CNOT6L: variants seen among roughly 807,000 people sequenced by gnomAD.
The protein encoded by CNOT6L is CCR4-NOT transcription complex subunit 6 like.
In CNOT6L, 7 loss-of-function variants were observed where a neutral mutation model predicts 64.0. That is an observed-to-expected ratio of 0.11 (90% CI 0.06 to 0.21). The LOEUF (loss-of-function observed/expected upper bound fraction) is 0.21. Ranked by LOEUF, CNOT6L falls within the 10% of genes least tolerant of loss-of-function variation. The probability of loss-of-function intolerance (pLI) is 1.00; values close to 1 mark genes in which losing one functional copy is unlikely to be tolerated. For missense variants in CNOT6L, 245 were observed against 669.0 expected (o/e 0.37, Z 6.99); for synonymous variants, 193 against 243.4 (o/e 0.79, Z 1.93).
In CNOT6L at chr4:77,718,017, G is replaced by C. The variant is rs1720922844; in HGVS notation, c.*2414C>G. On this transcript the variant is annotated 3_prime_UTR_variant, in exon 12 of 12. Transcript: ENST00000504123. Reference sequence around the variant, plus strand: ...TCGATCATACACAAAATAAACTTAAGCTGTTTACAATGTTTCCCATTTTTT... The same window carrying C: ...TCGATCATACACAAAATAAACTTAACCTGTTTACAATGTTTCCCATTTTTT... The C allele has an allele frequency of 7.3e-6, 1 of 137,094 alleles. No individual in the cohort carries two copies. The highest frequency in any genetic ancestry group is 1.6e-5 in the Non-Finnish European group (1 of 64,454). The allele number at this position is 137,094 out of a possible 1,614,324, so 8.5% of individuals were successfully genotyped here.
At chr4:77,813,104 GTC>G in intron 1 of CNOT6L, among the ~76,000 whole-genome samples, 1 of 152,252 alleles carries the variant, frequency 6.6e-6, no homozygotes, top group Non-Finnish European at 1.5e-5. Flanking sequence ...AGAAAGAACA[GTC>G]TTTTCAATAA....
At chr4:77,749,619 C>A (rs896189187) in intron 5 of CNOT6L, among the ~76,000 whole-genome samples, 1 of 152,080 alleles carries the variant, frequency 6.6e-6, no homozygotes, top group South Asian at 2.1e-4. Flanking sequence ...TTAAGTATAA[C>A]GCAATCAACA....
intron 1 of CNOT6L, among the ~76,000 whole-genome samples, chr4:77,811,747 C>T (rs1162493070): frequency 2.0e-5 from 3 of 152,096 alleles, no homozygotes; most frequent in Non-Finnish European, 4.4e-5. Context: ...CTCACACAAA[C>T]AAACACTCAA....
At position 77,736,981 on chromosome 4, in the gene CNOT6L, G is replaced by C. The variant is rs1485235428; in HGVS notation, c.872+5160C>G. On this transcript the variant is annotated intron_variant, in intron 8 of 11. Transcript: ENST00000504123. ...CGTCCAGAGCAGTCCTTCAAATAAA[G>C]ACATAACTCAATTTCTTACCAACTT... 1.1e-4 allele frequency among the ~76,000 whole-genome samples: 6 copies of C among 55,080 alleles called. No individual in the cohort carries two copies. The East Asian group carries it at 3.7e-3, about 34-fold the overall frequency. 36.1% of individuals were successfully genotyped at this position (55,080 alleles called of 152,430 possible).
intron 11 of CNOT6L, among the ~76,000 whole-genome samples, chr4:77,725,190 T>TAAC (rs2109866112): frequency 6.6e-6 from 1 of 152,324 alleles, no homozygotes; most frequent in Non-Finnish European, 1.5e-5. Flanking sequence ...AGCTGATTAG[T>TAAC]AACAACACAC....
intron 1 of CNOT6L, among the ~76,000 whole-genome samples, chr4:77,803,408 A>G (rs1731831593): frequency 6.6e-6 from 1 of 152,256 alleles, no homozygotes; most frequent in African/African-American, 2.4e-5. Context: ...AAGATGTATC[A>G]AATATTAAAT....
chr4:77,757,075 T>C (rs1158368090), intron 4 of CNOT6L, 124 bp from the exon 5 acceptor site: 5 of 517,228 alleles, frequency 9.7e-6, no homozygotes, highest in Non-Finnish European at 1.7e-5. Context: ...TCTACTATAT[T>C]TAATCTATTA....
chr4:77,732,463 T>C (rs561948060), intron 8 of CNOT6L, among the ~76,000 whole-genome samples: 2 of 152,074 alleles, frequency 1.3e-5, no homozygotes, highest in Non-Finnish European at 2.9e-5. Context: ...GATCCCCTCC[T>C]CACTTTCCTT....
intron 1 of CNOT6L, among the ~76,000 whole-genome samples, chr4:77,793,949 G>A (rs533907042): frequency 2.0e-5 from 3 of 151,700 alleles, no homozygotes; most frequent in African/African-American, 7.3e-5. Context: ...TCAGGGGTTC[G>A]AGACCAGCCT....
intron 8 of CNOT6L, among the ~76,000 whole-genome samples, chr4:77,734,917 A>G (rs1454588141): frequency 2.0e-5 from 3 of 152,170 alleles, no homozygotes; most frequent in Non-Finnish European, 4.4e-5. Context: ...AATAAAAAAA[A>G]AATGAAAGCT....
At chr4:77,789,690 C>T (rs1313462886) in intron 1 of CNOT6L, among the ~76,000 whole-genome samples, 1 of 150,914 alleles carries the variant, frequency 6.6e-6, no homozygotes, top group Non-Finnish European at 1.5e-5. Context: ...ATGGATTATG[C>T]CTGTAATCCC....
chr4:77,758,770 T>A (rs1397767618), intron 4 of CNOT6L, among the ~76,000 whole-genome samples: 1 of 152,186 alleles, frequency 6.6e-6, no homozygotes, highest in Non-Finnish European at 1.5e-5. Context: ...TCCACGAGTC[T>A]TACTATAAAG....
chr4:77,799,626 C>T (rs2110137439), intron 1 of CNOT6L, among the ~76,000 whole-genome samples: 2 of 148,798 alleles, frequency 1.3e-5, no homozygotes, highest in South Asian at 4.3e-4. Context: ...ATTGCCTGAA[C>T]TCAGGAGGCA....
At chr4:77,762,631 T>C (rs984046873) in intron 4 of CNOT6L, among the ~76,000 whole-genome samples, 4 of 152,194 alleles carry the variant, frequency 2.6e-5, no homozygotes, top group African/African-American at 9.6e-5. Context: ...TTTCTATTGT[T>C]AAGTAATATT....
Position 77,805,495 on chromosome 4 carries a change from T to C in CNOT6L, c.5+13809A>G, listed in dbSNP as rs565883261. 2.6e-5 allele frequency among the ~76,000 whole-genome samples: 4 copies of C among 152,292 alleles called. No homozygotes were observed. In the South Asian group the frequency reaches 8.3e-4, roughly 32 times the overall value. On this transcript the variant is annotated intron_variant, in intron 1 of 11. Coordinates refer to ENST00000504123, the MANE Select transcript of CNOT6L (RefSeq NM_144571.3). ...TCACACAAACCTAAACAATCAACCA[T>C]AATAGTATTAGCAGTACCTGTGATT... is the stretch of plus-strand genomic sequence containing the variant.
intron 10 of CNOT6L, among the ~76,000 whole-genome samples, chr4:77,727,562 C>CAAAA (rs55848621): frequency 1.2e-4 from 10 of 84,598 alleles, no homozygotes; most frequent in African/African-American, 4.4e-4. Context: ...AACTCTGTCT[C>CAAAA]AAAAAAAAAA....
intron 4 of CNOT6L, among the ~76,000 whole-genome samples, chr4:77,762,851 A>G (rs1190422734): frequency 6.6e-6 from 1 of 152,130 alleles, no homozygotes; most frequent in African/African-American, 2.4e-5. Context: ...GAACTGTTCT[A>G]TTTCTTGACT....
chr4:77,730,807 G>A (rs1252013618), intron 9 of CNOT6L, among the ~76,000 whole-genome samples: 1 of 152,052 alleles, frequency 6.6e-6, no homozygotes, highest in Non-Finnish European at 1.5e-5. Context: ...AAATGTACTA[G>A]TAAACAGTGA....
chr4:77,791,753 C>T (rs1194961832), intron 1 of CNOT6L, among the ~76,000 whole-genome samples: 2 of 151,904 alleles, frequency 1.3e-5, no homozygotes, highest in Non-Finnish European at 2.9e-5. Flanking sequence ...GTATTTTTGA[C>T]TGTAAATCAC....
Sources: gnomAD v4.1 joint callset for allele counts (sites outside exome capture counted in the v4.1 genomes callset) on GRCh38, gnomAD v4.1.1 for gene constraint, MANE v1.5 for transcripts, NCBI Gene and HGNC (gene_info 2026-07-23, HGNC 2026-07-21) for gene names.